Variants in ZNF124 observed in about 807,000 individuals in gnomAD.
The protein encoded by ZNF124 is zinc finger protein HZF-16.
A neutral mutation model predicts 26.6 loss-of-function variants in ZNF124; 25 were observed. The observed-to-expected ratio is 0.94, with a 90% CI of 0.68 to 1.31. The LOEUF is 1.31. Among genes scored for constraint, ZNF124 ranks in the 40% most tolerant of loss-of-function variants. The pLI is 0.00. For missense variants in ZNF124, 444 were observed against 422.2 expected (o/e 1.05, Z -0.45); for synonymous variants, 129 against 133.3 (o/e 0.97, Z 0.22).
In ZNF124 at chr1:247,158,871, C is replaced by T. The variant is rs572255699; in HGVS notation, c.218+135G>A. 1.2e-4 allele frequency: 87 copies of T among 734,512 alleles called. 2 individuals carry two copies. The highest frequency in any genetic ancestry group is 6.0e-4 in the South Asian group (32 of 53,022). 45.5% of individuals were successfully genotyped at this position (734,512 alleles called of 1,614,324 possible). On this transcript the variant is annotated intron_variant, in intron 3 of 3. Transcript: ENST00000543802. Reference sequence around the variant, plus strand: ...CTCAAACTCCTGACCTCAGGTGATCCGCCCACCTCAGCATCCCAAAGTGCT... The same window carrying T: ...CTCAAACTCCTGACCTCAGGTGATCTGCCCACCTCAGCATCCCAAAGTGCT...
chr1:247,127,710 C>G (rs1480993997), intron 3 of ZNF124, among the ~76,000 whole-genome samples: 3 of 148,934 alleles, frequency 2.0e-5, no homozygotes, highest in African/African-American at 7.4e-5. Context: ...CAGTCACGTA[C>G]CCCCTGCTTG....
chr1:247,143,407 G>A (rs921395983), intron 3 of ZNF124, among the ~76,000 whole-genome samples: 3 of 152,142 alleles, frequency 2.0e-5, no homozygotes, highest in Non-Finnish European at 4.4e-5. Flanking sequence ...AGGCTTAACC[G>A]AGAATTTGAC....
At chr1:247,159,852 T>C in intron 1 of ZNF124, 39 bp from the exon 2 acceptor site, 1 of 1,578,990 alleles carries the variant, frequency 6.3e-7, no homozygotes, top group East Asian at 2.2e-5. Context: ...TGGATGAGAC[T>C]GAAAGCACTG....
intron 1 of ZNF124, among the ~76,000 whole-genome samples, chr1:247,165,140 G>C (rs2103133157): frequency 6.6e-6 from 1 of 152,184 alleles, no homozygotes; most frequent in South Asian, 2.1e-4. Flanking sequence ...CTAATTTTTT[G>C]TATTTTTAGT....
At chr1:247,170,312 TA>T (rs1212124471) in intron 1 of ZNF124, among the ~76,000 whole-genome samples, 5 of 151,204 alleles carry the variant, frequency 3.3e-5, no homozygotes, top group Non-Finnish European at 7.4e-5. Context: ...AAATGCACAA[TA>T]AAGAACAAAT....
At chr1:247,127,665 T>A in intron 3 of ZNF124, among the ~76,000 whole-genome samples, 1 of 148,564 alleles carries the variant, frequency 6.7e-6, no homozygotes, top group Non-Finnish European at 1.5e-5. Flanking sequence ...CCTGTCCTGT[T>A]CTGTTCCGTT....
In ZNF124 at chr1:247,160,799, C is replaced by A. The variant is rs1272846446; in HGVS notation, c.31-986G>T. Among the ~76,000 whole-genome samples the A allele has an allele frequency of 2.6e-5, 4 of 152,258 alleles. No homozygotes were observed. In the East Asian group the frequency reaches 7.7e-4, roughly 29 times the overall value. ...AACTTTTTAATTGGGAAATTGAGCC[C>A]AATCCACGTGGTTACACAAAGAGAA... On this transcript the variant is annotated intron_variant, in intron 1 of 3. Coordinates refer to ENST00000543802, the MANE Select transcript of ZNF124 (RefSeq NM_001297568.2).
At chr1:247,161,800 C>T (rs926103470) in intron 1 of ZNF124, among the ~76,000 whole-genome samples, 30 of 151,858 alleles carry the variant, frequency 2.0e-4, no homozygotes, top group African/African-American at 6.3e-4. Context: ...TTTAGAAGAA[C>T]AAAAATTAGA....
At chr1:247,146,786 T>G (rs578137977) in intron 3 of ZNF124, among the ~76,000 whole-genome samples, 1 of 152,310 alleles carries the variant, frequency 6.6e-6, no homozygotes, top group South Asian at 2.1e-4. Context: ...GGATTTTTGT[T>G]TTTGAGACAA....
intron 3 of ZNF124, among the ~76,000 whole-genome samples, chr1:247,145,489 CTG>C (rs1672739832): frequency 6.6e-6 from 1 of 151,876 alleles, no homozygotes; most frequent in Non-Finnish European, 1.5e-5. Context: ...GCCTCCCACA[CTG>C]TGAGACAAAA....
chr1:247,156,246 C>T lies in ZNF124; in HGVS notation c.*320G>A, dbSNP rs987279209. ...GGATAAATGAAGGCATTCTCACATT[C>T]GATACCTTCATAAAGTTTTTCTCTA... is the stretch of plus-strand genomic sequence containing the variant. On this transcript the variant is annotated 3_prime_UTR_variant, in exon 4 of 4. Transcript: ENST00000543802. 39 of 1,041,742 alleles carry T rather than the reference C, an allele frequency of 3.7e-5. No individual in the cohort carries two copies. The highest frequency in any genetic ancestry group is 6.7e-5 in the African/African-American group (4 of 59,510). 64.5% of individuals were successfully genotyped at this position (1,041,742 alleles called of 1,614,324 possible). A position where few individuals can be genotyped will look rare whatever the true frequency, so the allele number is the denominator to read the frequency against.
chr1:247,169,340 C>T (rs546238368), intron 1 of ZNF124, among the ~76,000 whole-genome samples: 1 of 152,314 alleles, frequency 6.6e-6, no homozygotes, highest in Admixed American at 6.5e-5. Context: ...TGCACTGTGG[C>T]CCACTGTGTG....
chr1:247,153,085 A>G (rs891047169), downstream of ZNF124, among the ~76,000 whole-genome samples: 4 of 151,384 alleles, frequency 2.6e-5, no homozygotes, highest in African/African-American at 9.7e-5. Flanking sequence ...GTAAGCTGAG[A>G]TTGCGCCACT....
At chr1:247,127,565 T>C (rs572929168) in intron 3 of ZNF124, among the ~76,000 whole-genome samples, 14,388 of 132,588 alleles carry the variant, frequency 0.11, 25 homozygotes, top group African/African-American at 0.28. Flanking sequence ...CGGCGCCGCG[T>C]CCTGGGCCTG....
intron 3 of ZNF124, among the ~76,000 whole-genome samples, chr1:247,124,231 T>C (rs2103096047): frequency 6.7e-6 from 1 of 149,732 alleles, no homozygotes; most frequent in Admixed American, 6.7e-5. Flanking sequence ...TGAGACAGAG[T>C]CTCGCTCTGT....
At chr1:247,158,578 G>A (rs1673286197) in intron 3 of ZNF124, among the ~76,000 whole-genome samples, 1 of 151,314 alleles carries the variant, frequency 6.6e-6, no homozygotes, top group South Asian at 2.1e-4. Flanking sequence ...ATATATTTTT[G>A]GTAAAAACTT....
rs762199487 is a variant in ZNF124 at position 247,159,750 on chromosome 1, G to T, written c.94C>A (p.Pro32Thr). Residue 32 changes from proline (P) to threonine (T), a missense_variant, in exon 2 of 4, where the codon CCT becomes ACT. Pro to Thr is a conservative substitution (Grantham distance 38). Transcript: ENST00000543802. The stretch of plus-strand genomic sequence containing the variant: ...TCTCTATAGAGATTCTTCTGGGAAG[G>T]ATCCAACAAAGCCCACTCCTCCTGG... ...FTQEEWALLDPSQKNLYRDVM... is the reference protein window; with the variant it reads ...FTQEEWALLDTSQKNLYRDVM... 2 of 1,613,680 alleles carry T rather than the reference G, an allele frequency of 1.2e-6. No individual in the cohort carries two copies. The highest frequency in any genetic ancestry group is 1.7e-5 in the Admixed American group (1 of 59,908).
intron 3 of ZNF124, among the ~76,000 whole-genome samples, chr1:247,139,286 ATCTT>A (rs1672566101): frequency 6.6e-6 from 1 of 152,188 alleles, no homozygotes; most frequent in African/African-American, 2.4e-5. Flanking sequence ...GTTGTTTTAA[ATCTT>A]TATTGGTTTA....
chr1:247,170,349 G>C (rs1466229539), intron 1 of ZNF124, among the ~76,000 whole-genome samples: 1 of 149,416 alleles, frequency 6.7e-6, no homozygotes, highest in Non-Finnish European at 1.5e-5. Flanking sequence ...AAATTGGAGA[G>C]GTGAAGTTGG....
Sources: gnomAD v4.1 joint callset for allele counts (sites outside exome capture counted in the v4.1 genomes callset) on GRCh38, gnomAD v4.1.1 for gene constraint, MANE v1.5 for transcripts, NCBI Gene and HGNC (gene_info 2026-07-23, HGNC 2026-07-21) for gene names.